The following PCDH15 variants were observed in gnomAD, a reference collection of about 807,000 sequenced individuals.
The protein encoded by PCDH15 is protocadherin related 15.
In PCDH15, 129 loss-of-function variants were observed where a neutral mutation model predicts 178.5. The ratio of observed to expected loss-of-function variants is 0.72; its 90% CI spans 0.63 to 0.84. PCDH15 has a LOEUF of 0.84. Among genes scored for constraint, PCDH15 ranks in the 40% least tolerant of loss-of-function variants. The probability of loss-of-function intolerance (pLI) is 0.00; values close to 1 mark genes in which losing one functional copy is unlikely to be tolerated. For synonymous variants in PCDH15, 800 were observed against 732.0 expected (o/e 1.09, Z -1.50); for missense variants, 2,230 against 2,099.9 (o/e 1.06, Z -1.21).
chr10:55,169,919 A>G (rs999116798), intron 1 of PCDH15, among the ~76,000 whole-genome samples: 10 of 152,166 alleles, frequency 6.6e-5, no homozygotes, highest in African/African-American at 1.9e-4. Context: ...GTTATTAACC[A>G]TTAGTAGACA....
chr10:55,429,800 T>A (rs80143777), intron 2 of PCDH15, among the ~76,000 whole-genome samples: 1 of 152,152 alleles, frequency 6.6e-6, no homozygotes, highest in Non-Finnish European at 1.5e-5. Flanking sequence ...TGCAGGAATA[T>A]CATGTAATTA....
At chr10:54,780,506 A>T (rs1044328470) in intron 1 of PCDH15, among the ~76,000 whole-genome samples, 3 of 152,070 alleles carry the variant, frequency 2.0e-5, no homozygotes, top group African/African-American at 7.2e-5. Context: ...ACAATTCTTT[A>T]TATTTTTCAC....
chr10:54,434,700 A>G (rs1565266316), intron 3 of PCDH15, among the ~76,000 whole-genome samples: 1 of 152,210 alleles, frequency 6.6e-6, no homozygotes, highest in Non-Finnish European at 1.5e-5. Flanking sequence ...GCATGACTGT[A>G]TATCAGACCA....
chr10:54,556,068 C>A (rs939987342), intron 2 of PCDH15, among the ~76,000 whole-genome samples: 11 of 152,162 alleles, frequency 7.2e-5, no homozygotes, highest in Admixed American at 3.3e-4. Context: ...CAAGAGATCC[C>A]AGTGGGCTGG....
At chr10:54,574,711 A>G (rs1436946294) in intron 2 of PCDH15, among the ~76,000 whole-genome samples, 1 of 150,240 alleles carries the variant, frequency 6.7e-6, no homozygotes, top group East Asian at 2.0e-4. Flanking sequence ...GGGACTGTAA[A>G]CTAGTTCAAC....
rs555433955 is a variant in PCDH15, at chr10:55,470,201, A to C, written c.-156+157424T>G. On this transcript the variant is annotated intron_variant, in intron 2 of 5. Coordinates refer to the PCDH15 transcript ENST00000613346. ...CACTGTCCCTACTAAAAATACAAAA[A>C]TTAGCCAGGTGAGGTGGTTTGGCCT... Among the ~76,000 whole-genome samples the C allele has an allele frequency of 1.1e-3, 165 of 152,158 alleles. 1 individual carries two copies. The highest frequency in any genetic ancestry group is 1.9e-3 in the Non-Finnish European group (130 of 67,982).
At chr10:53,967,618 A>G (rs188300512) in intron 21 of PCDH15, among the ~76,000 whole-genome samples, 2 of 152,312 alleles carry the variant, frequency 1.3e-5, no homozygotes, top group Admixed American at 1.3e-4. Flanking sequence ...TTTAAATTGT[A>G]TTAGGAATAG....
intron 1 of PCDH15, among the ~76,000 whole-genome samples, chr10:55,239,374 A>G (rs1302943458): frequency 6.6e-6 from 1 of 152,174 alleles, no homozygotes; most frequent in African/African-American, 2.4e-5. Flanking sequence ...CATAATAGAG[A>G]ACCCAGAAAT....
chr10:55,195,061 T>C (rs1840049162), intron 1 of PCDH15, among the ~76,000 whole-genome samples: 1 of 150,740 alleles, frequency 6.6e-6, no homozygotes, highest in Non-Finnish European at 1.5e-5. Flanking sequence ...TCTTGCTCTG[T>C]GGCCCAGGCT....
intron 2 of PCDH15, among the ~76,000 whole-genome samples, chr10:55,107,937 C>T (rs1337669226): frequency 1.3e-5 from 2 of 152,064 alleles, no homozygotes; most frequent in African/African-American, 4.8e-5. Context: ...CATATTGAGG[C>T]CCTAATGTGA....
At chr10:54,805,486 AC>A (rs879472912), upstream of PCDH15, among the ~76,000 whole-genome samples, 2 of 152,150 alleles carry the variant, frequency 1.3e-5, no homozygotes, top group Non-Finnish European at 2.9e-5. Context: ...CTGTATTCAC[AC>A]CAATAAGTCT....
At chr10:53,988,011 T>G (rs2091222475) in intron 21 of PCDH15, among the ~76,000 whole-genome samples, 1 of 152,186 alleles carries the variant, frequency 6.6e-6, no homozygotes, top group Non-Finnish European at 1.5e-5. Context: ...GAACCTCAAC[T>G]CAGGTAACTC....
At chr10:55,015,271 T>C (rs1488942654) in intron 2 of PCDH15, among the ~76,000 whole-genome samples, 1 of 152,146 alleles carries the variant, frequency 6.6e-6, no homozygotes, top group Non-Finnish European at 1.5e-5. Context: ...GTCTATCTCT[T>C]CTTTCTTGGC....
chr10:55,025,547 C>T (rs1840457312), intron 2 of PCDH15, among the ~76,000 whole-genome samples: 1 of 151,956 alleles, frequency 6.6e-6, no homozygotes, highest in East Asian at 1.9e-4. Context: ...TTTAGAACTC[C>T]TACATTCTTA....
intron 1 of PCDH15, among the ~76,000 whole-genome samples, chr10:54,800,340 G>C (rs1403854414): frequency 6.6e-6 from 1 of 152,124 alleles, no homozygotes; most frequent in Non-Finnish European, 1.5e-5. Context: ...AATTCTAAAT[G>C]GTTAATGCTT....
At chr10:54,450,803 T>C (rs943873271) in intron 3 of PCDH15, among the ~76,000 whole-genome samples, 1 of 151,902 alleles carries the variant, frequency 6.6e-6, no homozygotes, top group African/African-American at 2.4e-5. Flanking sequence ...TCACTTTTTA[T>C]TTTACAAATG....
At chr10:54,950,776 A>T (rs1048969514) in intron 2 of PCDH15, among the ~76,000 whole-genome samples, 1 of 151,930 alleles carries the variant, frequency 6.6e-6, no homozygotes, top group Non-Finnish European at 1.5e-5. Flanking sequence ...CTCTCAATAC[A>T]TGGGGATTAT....
intron 28 of PCDH15, among the ~76,000 whole-genome samples, chr10:53,854,733 T>G (rs1178487172): frequency 6.6e-6 from 1 of 152,094 alleles, no homozygotes; most frequent in Non-Finnish European, 1.5e-5. Flanking sequence ...ATATTTACCA[T>G]TCACCGAATA....
intron 17 of PCDH15, among the ~76,000 whole-genome samples, chr10:54,074,893 T>A (rs1025177302): frequency 6.6e-6 from 1 of 152,120 alleles, no homozygotes; most frequent in Non-Finnish European, 1.5e-5. Context: ...TTTCTGTTTG[T>A]TTTTTATAAT....
Sources: gnomAD v4.1 joint callset for allele counts (sites outside exome capture counted in the v4.1 genomes callset) on GRCh38, gnomAD v4.1.1 for gene constraint, MANE v1.5 for transcripts, NCBI Gene and HGNC (gene_info 2026-07-23, HGNC 2026-07-21) for gene names.